Variants in AUTS2 observed in about 807,000 individuals in gnomAD.
AUTS2 encodes the protein activator of transcription and developmental regulator AUTS2.
A neutral mutation model predicts 112.4 loss-of-function variants in AUTS2; 17 were observed. The ratio of observed to expected loss-of-function variants is 0.15; its 90% confidence interval spans 0.10 to 0.23. The LOEUF is 0.23. Among genes scored for constraint, AUTS2 ranks in the 10% least tolerant of loss-of-function variants. AUTS2 has a pLI of 1.00. For synonymous variants in AUTS2, 751 were observed against 702.7 expected, an observed-to-expected ratio of 1.07 and a Z score of -1.09; for missense variants, 1,510 against 1,701.6, an observed-to-expected ratio of 0.89 and a Z score of 1.98.
chr7:70,776,214 G>A (rs1377534107), intron 13 of AUTS2, among the ~76,000 whole-genome samples: 1 of 152,156 alleles, frequency 6.6e-6, no homozygotes, highest in African/African-American at 2.4e-5. Context: ...GTTCTTCGCC[G>A]ATGTAGAATG....
intron 1 of AUTS2, among the ~76,000 whole-genome samples, chr7:69,658,366 A>G (rs1380502390): frequency 6.6e-6 from 1 of 152,202 alleles, no homozygotes; most frequent in Non-Finnish European, 1.5e-5. Context: ...CTGATCCTAA[A>G]AGTGTTCAGT....
chr7:69,891,090 G>A (rs1794498975), intron 1 of AUTS2, among the ~76,000 whole-genome samples: 2 of 152,124 alleles, frequency 1.3e-5, no homozygotes, highest in Admixed American at 6.6e-5. Flanking sequence ...AATCAAGACA[G>A]CGAACATGTT....
intron 4 of AUTS2, among the ~76,000 whole-genome samples, chr7:70,140,175 A>G (rs1453047306): frequency 6.6e-6 from 1 of 152,106 alleles, no homozygotes; most frequent in Non-Finnish European, 1.5e-5. Context: ...ATAGGATCAG[A>G]TTCAGGTTTG....
chr7:70,465,125 C>T (rs1018704737), intron 5 of AUTS2, among the ~76,000 whole-genome samples: 1 of 152,240 alleles, frequency 6.6e-6, no homozygotes, highest in Non-Finnish European at 1.5e-5. Context: ...TCTGCCCTCA[C>T]CTCAGTTTGG....
chr7:70,229,119 A>G (rs1490559521), intron 4 of AUTS2, among the ~76,000 whole-genome samples: 1 of 152,038 alleles, frequency 6.6e-6, no homozygotes, highest in African/African-American at 2.4e-5. Flanking sequence ...ACAAGAAAAG[A>G]CAAAAATTAT....
chr7:70,044,027 T>A (rs1297884781), intron 2 of AUTS2, among the ~76,000 whole-genome samples: 1 of 152,052 alleles, frequency 6.6e-6, no homozygotes, highest in East Asian at 1.9e-4. Context: ...TGAAATCTCA[T>A]TATTTCCATC....
At chr7:70,610,579 C>G (rs975854830) in intron 5 of AUTS2, among the ~76,000 whole-genome samples, 1 of 151,738 alleles carries the variant, frequency 6.6e-6, no homozygotes, top group African/African-American at 2.4e-5. Flanking sequence ...GGGATGACCA[C>G]AGGTGCACGC....
At chr7:69,864,183 G>T (rs1793117464) in intron 1 of AUTS2, among the ~76,000 whole-genome samples, 1 of 152,156 alleles carries the variant, frequency 6.6e-6, no homozygotes, top group African/African-American at 2.4e-5. Flanking sequence ...ACATTTAGTA[G>T]ATTACTGTGA....
chr7:70,155,579 G>A (rs570208109), intron 4 of AUTS2, among the ~76,000 whole-genome samples: 4 of 151,628 alleles, frequency 2.6e-5, no homozygotes, highest in Non-Finnish European at 4.4e-5. Context: ...ATCCTTTCTC[G>A]GTATCCGTCT....
intron 2 of AUTS2, among the ~76,000 whole-genome samples, chr7:69,985,138 GGA>G (rs1798452285): frequency 1.3e-5 from 2 of 151,322 alleles, no homozygotes; most frequent in Non-Finnish European, 1.5e-5. Flanking sequence ...GCCTGAGGCA[GGA>G]GGATCACTTG....
chr7:69,816,528 C>G (rs1474551181), intron 1 of AUTS2, among the ~76,000 whole-genome samples: 1 of 152,160 alleles, frequency 6.6e-6, no homozygotes, highest in Non-Finnish European at 1.5e-5. Context: ...CAGCTGCTGT[C>G]TGCTGCGCTT....
At chr7:69,618,091 TAAGTA>T (rs1793473248) in intron 1 of AUTS2, among the ~76,000 whole-genome samples, 1 of 152,164 alleles carries the variant, frequency 6.6e-6, no homozygotes, top group African/African-American at 2.4e-5. Flanking sequence ...GCAGAGAAGT[TAAGTA>T]ATTTCTGTAT....
intron 4 of AUTS2, among the ~76,000 whole-genome samples, chr7:70,318,346 G>T (rs1790096726): frequency 6.6e-6 from 1 of 152,048 alleles, no homozygotes; most frequent in Admixed American, 6.6e-5. Flanking sequence ...GAGGAGATGA[G>T]CATGGGGAGG....
intron 1 of AUTS2, among the ~76,000 whole-genome samples, chr7:69,742,551 T>C (rs1463990057): frequency 6.6e-6 from 1 of 152,184 alleles, no homozygotes; most frequent in Non-Finnish European, 1.5e-5. Flanking sequence ...ACTTTTTACA[T>C]TATTTTCTTA....
chr7:70,047,285 C>G (rs1563063589), intron 2 of AUTS2, among the ~76,000 whole-genome samples: 1 of 152,124 alleles, frequency 6.6e-6, no homozygotes, highest in South Asian at 2.1e-4. Flanking sequence ...AAGTTATTCA[C>G]TTAGTCAAAA....
At chr7:70,181,042 A>G (rs535736620) in intron 4 of AUTS2, among the ~76,000 whole-genome samples, 70 of 152,312 alleles carry the variant, frequency 4.6e-4, no homozygotes, top group African/African-American at 1.6e-3. Context: ...TAGTATGCTT[A>G]TATTTTGGAA....
chr7:70,678,325 C>A (rs1808031644), intron 5 of AUTS2, among the ~76,000 whole-genome samples: 2 of 152,082 alleles, frequency 1.3e-5, no homozygotes, highest in South Asian at 4.2e-4. Flanking sequence ...ACATACAATA[C>A]ACAAACTGTT....
intron 1 of AUTS2, among the ~76,000 whole-genome samples, chr7:69,652,290 C>T (rs75259099): frequency 0.012 from 1,818 of 151,888 alleles, 13 homozygotes; most frequent in Middle Eastern, 0.02. Flanking sequence ...ACACCTGTGC[C>T]TGATAGAGAG....
At chr7:70,029,173 T>A (rs1476651335) in intron 2 of AUTS2, among the ~76,000 whole-genome samples, 1 of 152,112 alleles carries the variant, frequency 6.6e-6, no homozygotes, top group Non-Finnish European at 1.5e-5. Flanking sequence ...TGATAGTATC[T>A]GCCTTGTGGG....
Sources: gnomAD v4.1 joint callset for allele counts (sites outside exome capture counted in the v4.1 genomes callset) on GRCh38, gnomAD v4.1.1 for gene constraint, MANE v1.5 for transcripts, NCBI Gene and HGNC (gene_info 2026-07-23, HGNC 2026-07-21) for gene names.